VRK2: variants seen among roughly 807,000 people sequenced by gnomAD.
VRK2 encodes serine/threonine-protein kinase VRK2.
A neutral mutation model predicts 57.6 loss-of-function variants in VRK2; 60 were observed. The observed-to-expected ratio is 1.04, with a 90% confidence interval of 0.85 to 1.29. VRK2 has a LOEUF of 1.29. Ranked by LOEUF, VRK2 falls within the 50% of genes most tolerant of loss-of-function variation. The pLI, the probability that VRK2 is intolerant of heterozygous loss-of-function variation, is 0.00. For missense variants in VRK2, 705 were observed against 588.1 expected, an observed-to-expected ratio of 1.20 and a Z score of -2.06; for synonymous variants, 231 against 199.2, an observed-to-expected ratio of 1.16 and a Z score of -1.35.
At chr2:58,015,495 A>T (rs1011567937) in intron 1 of VRK2, among the ~76,000 whole-genome samples, 18 of 152,304 alleles carry the variant, frequency 1.2e-4, no homozygotes, top group African/African-American at 4.3e-4. Flanking sequence ...ATTTTATATT[A>T]AATTAAATGA....
chr2:57,944,160 C>T (rs1165729247), intron 1 of VRK2, among the ~76,000 whole-genome samples: 1 of 152,230 alleles, frequency 6.6e-6, no homozygotes, highest in Non-Finnish European at 1.5e-5. Context: ...TTAATGCTCA[C>T]ATCTTCCTGC....
upstream of VRK2, among the ~76,000 whole-genome samples, chr2:58,045,713 G>A (rs143209570): frequency 1.7e-4 from 26 of 152,270 alleles, no homozygotes; most frequent in Non-Finnish European, 2.6e-4. Context: ...TCATTAAAGG[G>A]CTCTAATTTT....
chr2:58,108,812 C>T (rs1474858224), intron 7 of VRK2, among the ~76,000 whole-genome samples: 2 of 152,150 alleles, frequency 1.3e-5, no homozygotes, highest in Admixed American at 6.5e-5. Context: ...ATGTGAGGCA[C>T]ATGGAAAATA....
chr2:57,969,487 T>C (rs1248983905), intron 1 of VRK2, among the ~76,000 whole-genome samples: 1 of 151,946 alleles, frequency 6.6e-6, no homozygotes, highest in East Asian at 1.9e-4. Flanking sequence ...ATAATAAAAT[T>C]AGGAATATTT....
intron 1 of VRK2, among the ~76,000 whole-genome samples, chr2:57,927,096 A>G (rs1039409805): frequency 3.3e-5 from 5 of 151,208 alleles, no homozygotes; most frequent in Non-Finnish European, 7.4e-5. Context: ...ATTATTTTAA[A>G]TGGATGACAA....
At chr2:57,912,593 T>C (rs752828547) in intron 1 of VRK2, among the ~76,000 whole-genome samples, 1 of 152,208 alleles carries the variant, frequency 6.6e-6, no homozygotes, top group African/African-American at 2.4e-5. Context: ...ACATATTTGA[T>C]GACACCAAGA....
In VRK2 at chr2:57,990,228, A is replaced by C. The variant is rs563996606; in HGVS notation, c.-438-35437A>C. Among the ~76,000 whole-genome samples, 9 of 152,232 alleles carry C rather than the reference A, an allele frequency of 5.9e-5. No individual in the cohort carries two copies. The South Asian group carries it at 1.9e-3, about 32-fold the overall frequency. On this transcript the variant is annotated intron_variant, in intron 1 of 15. Transcript: ENST00000417641. Reference sequence around the variant, plus strand: ...TGAAAAGGGGGTAGGAAATCAATTCATACTAATTTTAACTCCCTCTTGTTT... The same window carrying C: ...TGAAAAGGGGGTAGGAAATCAATTCCTACTAATTTTAACTCCCTCTTGTTT...
At chr2:57,953,204 T>G (rs1026960874) in intron 1 of VRK2, among the ~76,000 whole-genome samples, 1 of 152,198 alleles carries the variant, frequency 6.6e-6, no homozygotes, top group East Asian at 1.9e-4. Context: ...TTTGACCTGC[T>G]TATAAAGGAG....
intron 1 of VRK2, among the ~76,000 whole-genome samples, chr2:57,928,414 T>C (rs535565352): frequency 1.3e-5 from 2 of 152,228 alleles, no homozygotes; most frequent in Admixed American, 6.5e-5. Context: ...GTTAAATTTA[T>C]ATGATAGGCT....
intron 2 of VRK2, among the ~76,000 whole-genome samples, chr2:58,059,991 A>G (rs1677088390): frequency 6.6e-6 from 1 of 151,884 alleles, no homozygotes; most frequent in African/African-American, 2.4e-5. Context: ...CTATTAAAAA[A>G]TCATGTATTA....
intron 1 of VRK2, among the ~76,000 whole-genome samples, chr2:57,983,522 G>T (rs1443837454): frequency 2.0e-5 from 3 of 152,042 alleles, no homozygotes; most frequent in African/African-American, 7.2e-5. Flanking sequence ...CTGCCAAACT[G>T]CCATATAAGT....
At chr2:57,910,126 A>AG (rs1226170654) in intron 1 of VRK2, among the ~76,000 whole-genome samples, 1 of 151,648 alleles carries the variant, frequency 6.6e-6, no homozygotes, top group Admixed American at 6.6e-5. Context: ...AAAAAAAAAA[A>AG]CATTCCCATG....
chr2:57,921,403 C>G (rs1364828924), intron 1 of VRK2, among the ~76,000 whole-genome samples: 1 of 151,926 alleles, frequency 6.6e-6, no homozygotes, highest in African/African-American at 2.4e-5. Context: ...ACTATATCTT[C>G]AGAGAATAGG....
intron 2 of VRK2, among the ~76,000 whole-genome samples, chr2:58,058,689 C>T (rs1676895901): frequency 6.6e-6 from 1 of 151,902 alleles, no homozygotes; most frequent in South Asian, 2.1e-4. Flanking sequence ...AGGAAATTAT[C>T]ATATTTATTA....
intron 7 of VRK2, among the ~76,000 whole-genome samples, chr2:58,112,256 G>C (rs1675678834): frequency 6.6e-6 from 1 of 152,200 alleles, no homozygotes; most frequent in African/African-American, 2.4e-5. Context: ...AATAAAACCA[G>C]TGCTACCAGG....
intron 1 of VRK2, among the ~76,000 whole-genome samples, chr2:57,918,596 G>C (rs184323986): frequency 1.5e-4 from 23 of 152,180 alleles, no homozygotes; most frequent in African/African-American, 5.1e-4. Flanking sequence ...TAAATGAATA[G>C]TGAGTGGGAC....
chr2:57,922,952 A>T (rs912528685), intron 1 of VRK2, among the ~76,000 whole-genome samples: 5 of 151,914 alleles, frequency 3.3e-5, no homozygotes, highest in African/African-American at 1.2e-4. Context: ...AGTTTTCACA[A>T]ATAAGTGAGA....
chr2:58,070,873 G>GT (rs1175432672), intron 2 of VRK2, among the ~76,000 whole-genome samples: 2 of 152,118 alleles, frequency 1.3e-5, no homozygotes, highest in African/African-American at 2.4e-5. Flanking sequence ...GTTTAGCTTT[G>GT]TAAGAAACTG....
intron 7 of VRK2, among the ~76,000 whole-genome samples, chr2:58,108,853 T>G (rs1675137994): frequency 6.6e-6 from 1 of 152,180 alleles, no homozygotes; most frequent in Non-Finnish European, 1.5e-5. Flanking sequence ...TTGATTTAGG[T>G]TCAAATCTCA....
Sources: allele counts gnomAD v4.1 joint callset (sites outside exome capture counted in the v4.1 genomes callset), GRCh38; gene constraint gnomAD v4.1.1; transcripts MANE v1.5; gene names NCBI Gene and HGNC (gene_info 2026-07-23, HGNC 2026-07-21).